Variants in BCAR3 observed in about 807,000 individuals in gnomAD.
The protein encoded by BCAR3 is breast cancer anti-estrogen resistance protein 3.
Under a neutral mutation model 80.1 loss-of-function variants are expected in BCAR3, and 37 were observed. That is an observed-to-expected ratio of 0.46 (90% confidence interval 0.36 to 0.61). The LOEUF is 0.61. BCAR3 is among the 20% of genes least tolerant of loss of function. BCAR3 has a pLI of 0.00. For missense variants in BCAR3, 978 were observed against 1,068.2 expected, an observed-to-expected ratio of 0.92 and a Z score of 1.18; for synonymous variants, 389 against 418.9, an observed-to-expected ratio of 0.93 and a Z score of 0.87.
chr1:93,779,391 A>G (rs1163067853), intron 2 of BCAR3, among the ~76,000 whole-genome samples: 3 of 152,210 alleles, frequency 2.0e-5, no homozygotes, highest in East Asian at 3.9e-4. Flanking sequence ...TCCTAACCTC[A>G]TGTGGCTTAC....
intron 2 of BCAR3, among the ~76,000 whole-genome samples, chr1:93,782,353 C>T (rs1652792394): frequency 1.3e-5 from 2 of 152,178 alleles, no homozygotes; most frequent in Non-Finnish European, 2.9e-5. Context: ...GAGGAGAATA[C>T]CCCACATGAG....
At chr1:93,600,887 C>G (rs988315051) in intron 3 of BCAR3, 19 of 152,304 alleles carry the variant, frequency 1.2e-4, no homozygotes, top group Non-Finnish European at 1.5e-5. Flanking sequence ...CTCCCAGAGC[C>G]TGGCCCAGTG....
At chr1:93,808,587 A>G (rs1653730529) in intron 2 of BCAR3, among the ~76,000 whole-genome samples, 1 of 152,204 alleles carries the variant, frequency 6.6e-6, no homozygotes, top group Non-Finnish European at 1.5e-5. Flanking sequence ...AATGAAGAGA[A>G]ATTGCAATAT....
intron 1 of BCAR3, among the ~76,000 whole-genome samples, chr1:93,679,579 T>C (rs185761943): frequency 7.4e-4 from 113 of 152,354 alleles, no homozygotes; most frequent in Non-Finnish European, 1.0e-3. Flanking sequence ...CTCAGTCTAA[T>C]GCCAGATTTT....
intron 3 of BCAR3, among the ~76,000 whole-genome samples, chr1:93,637,221 G>A (rs2101904392): frequency 6.6e-6 from 1 of 151,988 alleles, no homozygotes; most frequent in African/African-American, 2.4e-5. Context: ...CCAGGCTGGA[G>A]TGCAATGGCC....
At chr1:93,728,397 T>C (rs1650667512) in intron 2 of BCAR3, among the ~76,000 whole-genome samples, 2 of 152,200 alleles carry the variant, frequency 1.3e-5, no homozygotes, top group Admixed American at 1.3e-4. Flanking sequence ...AGGGTGCTCT[T>C]TTAGTTTTGC....
At chr1:93,831,901 TTTTAC>T (rs1174241416) in intron 2 of BCAR3, among the ~76,000 whole-genome samples, 2 of 152,240 alleles carry the variant, frequency 1.3e-5, no homozygotes, top group Non-Finnish European at 2.9e-5. Flanking sequence ...TTAATGCTCC[TTTTAC>T]TTTATCTGAC....
chr1:93,674,812 T>C lies in BCAR3; in HGVS notation c.119A>G (p.Asp40Gly), dbSNP rs1368389547. Residue 40 changes from aspartate to glycine, a missense_variant, in exon 2 of 12, where the codon GAT becomes GGT. By Grantham distance (94) the Asp-to-Gly change is moderately conservative. Coordinates refer to ENST00000260502, the MANE Select transcript of BCAR3 (RefSeq NM_003567.4). Reference protein sequence around the residue: ...SRSPLAEHRPDAYQDVSIHGT... With the variant: ...SRSPLAEHRPGAYQDVSIHGT... ...ATGTATAGACACATCTTGATAGGCA[T>C]CTGGGCGATGCTCAGCGAGAGGGGA... 2 of 1,607,784 alleles carry C rather than the reference T, an allele frequency of 1.2e-6. No individual in the cohort carries two copies. Among genetic ancestry groups the C allele is most frequent in the South Asian group, 1.1e-5 (1 of 89,962 alleles).
chr1:93,582,954 C>CT lies in BCAR3; in HGVS notation c.1034-2dup, dbSNP rs751154060. On this transcript the variant is annotated splice_acceptor_variant, in intron 6 of 11. Transcript: ENST00000260502. LOFTEE classifies it high-confidence loss of function. ...GAGGACTGAGGTGGCAGCTTGCAGC[C>CT]TGTGGGGGATAAGAAAAGGTCAGAG... 1 of 1,579,672 alleles carries CT rather than the reference C, an allele frequency of 6.3e-7. No homozygotes were observed. The highest frequency in any genetic ancestry group is 1.3e-5 in the African/African-American group (1 of 74,252).
chr1:93,783,508 A>C (rs1652837203), intron 2 of BCAR3, among the ~76,000 whole-genome samples: 1 of 152,252 alleles, frequency 6.6e-6, no homozygotes, highest in Admixed American at 6.5e-5. Flanking sequence ...AAGGGTTGGA[A>C]ACATATAGAA....
intron 1 of BCAR3, chr1:93,846,888 G>T (rs1276046124): frequency 6.3e-6 from 3 of 475,772 alleles, no homozygotes; most frequent in Non-Finnish European, 1.3e-5. Flanking sequence ...TTCGGCTCTG[G>T]GTCTGTGGGG....
intron 3 of BCAR3, among the ~76,000 whole-genome samples, chr1:93,633,691 G>A (rs1570989817): frequency 1.3e-5 from 2 of 152,238 alleles, no homozygotes; most frequent in South Asian, 4.1e-4. Context: ...CTGGAGTGCA[G>A]TGGCGCAATC....
chr1:93,708,607 T>G (rs1649906649), intron 2 of BCAR3, among the ~76,000 whole-genome samples: 1 of 152,238 alleles, frequency 6.6e-6, no homozygotes, highest in Non-Finnish European at 1.5e-5. Flanking sequence ...TCTAGAACTG[T>G]ACTGGCTGAA....
intron 2 of BCAR3, among the ~76,000 whole-genome samples, chr1:93,732,242 C>T (rs1389982232): frequency 6.6e-6 from 1 of 152,146 alleles, no homozygotes; most frequent in African/African-American, 2.4e-5. Flanking sequence ...CCAGAAGATG[C>T]TTTGTAAAGC....
chr1:93,835,284 A>G (rs1654722534), intron 2 of BCAR3, among the ~76,000 whole-genome samples: 1 of 152,196 alleles, frequency 6.6e-6, no homozygotes. Context: ...TTACTTCCAA[A>G]GGAAGCTGGA....
intron 2 of BCAR3, among the ~76,000 whole-genome samples, chr1:93,839,296 T>G (rs6667986): frequency 0.6 from 91,793 of 152,032 alleles, 28,946 homozygotes; most frequent in East Asian, 0.78. Context: ...TAAAAGAAAA[T>G]AAAAAGAAAA....
At chr1:93,584,264 A>G in intron 5 of BCAR3, 143 bp from the exon 6 acceptor site, 1 of 685,120 alleles carries the variant, frequency 1.5e-6, no homozygotes, top group Admixed American at 2.9e-5. Context: ...CTAAAAGTAA[A>G]GGAATGACCG....
intron 2 of BCAR3, among the ~76,000 whole-genome samples, chr1:93,711,706 A>AGACTC (rs1242746724): frequency 6.6e-6 from 1 of 152,188 alleles, no homozygotes. Context: ...CACATAGTAG[A>AGACTC]GACTCAATAA....
intron 3 of BCAR3, among the ~76,000 whole-genome samples, chr1:93,596,264 C>A (rs1270982092): frequency 2.6e-5 from 4 of 152,156 alleles, no homozygotes; most frequent in African/African-American, 2.4e-5. Flanking sequence ...CAGAATGATG[C>A]ATGAGAAGAC....
Sources: gnomAD v4.1 joint callset for allele counts (sites outside exome capture counted in the v4.1 genomes callset) on GRCh38, gnomAD v4.1.1 for gene constraint, MANE v1.5 for transcripts, NCBI Gene and HGNC (gene_info 2026-07-23, HGNC 2026-07-21) for gene names.